UTRN: variants seen among roughly 807,000 people sequenced by gnomAD.
The protein encoded by UTRN is utrophin.
In UTRN, 283 loss-of-function variants were observed where a neutral mutation model predicts 463.9. The ratio of observed to expected loss-of-function variants is 0.61; its 90% CI spans 0.55 to 0.67. UTRN has a LOEUF of 0.67. Ranked by LOEUF, UTRN falls within the 30% of genes least tolerant of loss-of-function variation. The probability of loss-of-function intolerance (pLI) is 0.00; values close to 1 mark genes in which losing one functional copy is unlikely to be tolerated. For synonymous variants in UTRN, 1,442 were observed against 1,431.5 expected, an observed-to-expected ratio of 1.01 and a Z score of -0.17; for missense variants, 3,922 against 4,084.3, an observed-to-expected ratio of 0.96 and a Z score of 1.08.
intron 11 of UTRN, 55 bp downstream of exon 11, chr6:144,437,801 A>C (rs1786724083): frequency 6.5e-7 from 1 of 1,535,828 alleles, no homozygotes. Flanking sequence ...TGCACAGTTG[A>C]GCTCTAGTAG....
chr6:144,497,697 G>T (rs2128583013), intron 33 of UTRN, among the ~76,000 whole-genome samples: 1 of 151,714 alleles, frequency 6.6e-6, no homozygotes, highest in African/African-American at 2.4e-5. Flanking sequence ...AAAAAAAAAG[G>T]TAGAAGCATG....
chr6:144,338,457 C>A (rs2114623852), intron 2 of UTRN, among the ~76,000 whole-genome samples: 1 of 152,210 alleles, frequency 6.6e-6, no homozygotes, highest in South Asian at 2.1e-4. Flanking sequence ...CAGTTGATGC[C>A]TTTTTCATTT....
At chr6:144,662,007 CTATTTATT>C (rs36070256) in intron 51 of UTRN, among the ~76,000 whole-genome samples, 1 of 150,380 alleles carries the variant, frequency 6.6e-6, no homozygotes, top group African/African-American at 2.5e-5. Context: ...TTATTATTAT[CTATTTATT>C]TATTTATTTA....
chr6:144,657,562 T>C (rs1369613759), intron 51 of UTRN, among the ~76,000 whole-genome samples: 1 of 152,214 alleles, frequency 6.6e-6, no homozygotes, highest in African/African-American at 2.4e-5. Context: ...AGGATACCCT[T>C]TCTTTTCCCT....
intron 23 of UTRN, among the ~76,000 whole-genome samples, chr6:144,471,303 G>A (rs1790636584): frequency 6.6e-6 from 1 of 152,164 alleles, no homozygotes; most frequent in Admixed American, 6.5e-5. Flanking sequence ...ACTTACTCAA[G>A]TCAAAGCCAA....
chr6:144,571,149 C>T (rs1224523998), intron 50 of UTRN, among the ~76,000 whole-genome samples: 1 of 152,038 alleles, frequency 6.6e-6, no homozygotes, highest in Non-Finnish European at 1.5e-5. Context: ...GGATTGATTG[C>T]ATATGTGCAC....
intron 65 of UTRN, among the ~76,000 whole-genome samples, chr6:144,819,390 T>G (rs541428794): frequency 1.3e-5 from 2 of 152,302 alleles, no homozygotes; most frequent in Non-Finnish European, 2.9e-5. Flanking sequence ...GTTTGGTTTT[T>G]GTTTTTGTTT....
At chr6:144,307,551 C>T (rs545585862) in intron 2 of UTRN, among the ~76,000 whole-genome samples, 11 of 152,220 alleles carry the variant, frequency 7.2e-5, no homozygotes, top group South Asian at 2.1e-4. Flanking sequence ...CAGTCCAATA[C>T]GCTGGCACGA....
rs752563699 is a variant in UTRN, at chr6:144,533,250, A to C, written c.6223A>C (p.Arg2075=). The C allele has an allele frequency of 8.1e-6, 13 of 1,614,020 alleles. No homozygotes were observed. Among genetic ancestry groups the C allele is most frequent in the Admixed American group, 1.7e-5 (1 of 60,018 alleles). Residue 2075 remains arginine, a synonymous_variant, in exon 43 of 75, where the codon AGG becomes CGG. Coordinates refer to ENST00000367545, the MANE Select transcript of UTRN (RefSeq NM_007124.3). ...TGCAATTGTTGCAGAAGTGAAGGAT[A>C]GGCAGCCAAGGTGATTTAGCTATGA... is the stretch of plus-strand genomic sequence containing the variant. ...WDAIVAEVKD[R]QPRLKGESKQ...
chr6:144,827,566 C>A, intron 67 of UTRN, 45 bp from the exon 68 acceptor site: 1 of 1,609,176 alleles, frequency 6.2e-7, no homozygotes, highest in Non-Finnish European at 8.5e-7. Context: ...TAACACCTAT[C>A]AATATTTGGG....
At chr6:144,557,702 T>A (rs151171431) in intron 50 of UTRN, among the ~76,000 whole-genome samples, 2 of 152,154 alleles carry the variant, frequency 1.3e-5, no homozygotes, top group East Asian at 3.9e-4. Context: ...AGCGTGCTAT[T>A]TGGGTGGGGC....
chr6:144,751,369 A>G (rs1791374838), intron 55 of UTRN, among the ~76,000 whole-genome samples: 1 of 152,184 alleles, frequency 6.6e-6, no homozygotes, highest in Non-Finnish European at 1.5e-5. Context: ...ATTTATTTAT[A>G]TTTTTGGGTA....
At chr6:144,680,253 C>A (rs1782070123) in intron 52 of UTRN, among the ~76,000 whole-genome samples, 1 of 152,050 alleles carries the variant, frequency 6.6e-6, no homozygotes, top group African/African-American at 2.4e-5. Context: ...ATATCATAAA[C>A]AGATCATTCT....
chr6:144,470,986 G>A (rs541742827), intron 23 of UTRN, among the ~76,000 whole-genome samples: 1 of 149,274 alleles, frequency 6.7e-6, no homozygotes, highest in South Asian at 2.2e-4. Context: ...GGACAGTCCA[G>A]CCTTGGCTCG....
At chr6:144,533,480 C>T (rs908539766) in intron 43 of UTRN, among the ~76,000 whole-genome samples, 37 of 152,058 alleles carry the variant, frequency 2.4e-4, no homozygotes, top group African/African-American at 8.7e-4. Flanking sequence ...AAACCAAACA[C>T]CTTTATTCCT....
intron 32 of UTRN, among the ~76,000 whole-genome samples, chr6:144,492,106 C>T (rs1035716560): frequency 5.3e-5 from 8 of 152,188 alleles, no homozygotes; most frequent in African/African-American, 7.2e-5. Context: ...GTTTGGGCTT[C>T]GACTGAACCC....
Position 144,305,724 on chromosome 6 carries a change from G to A in UTRN, c.79+13817G>A, listed in dbSNP as rs532349746. Among the ~76,000 whole-genome samples the A allele has an allele frequency of 2.8e-4, 42 of 152,354 alleles. 1 individual carries two copies. Among genetic ancestry groups the A allele is most frequent in the African/African-American group, 1.0e-3 (42 of 41,590 alleles). ...TTCCCAACTTGAGGCAATGTGTTGA[G>A]CCTGGGGACCTTTGCCTTGACCAGT... is the stretch of plus-strand genomic sequence containing the variant. On this transcript the variant is annotated intron_variant, in intron 2 of 74. Transcript: ENST00000367545.
intron 65 of UTRN, among the ~76,000 whole-genome samples, chr6:144,804,466 A>G (rs1777970070): frequency 2.6e-5 from 4 of 152,222 alleles, no homozygotes; most frequent in Non-Finnish European, 5.9e-5. Context: ...ACACTAGTTA[A>G]AGTGGTAAGG....
At chr6:144,596,510 A>G (rs998468768) in intron 51 of UTRN, among the ~76,000 whole-genome samples, 8 of 152,162 alleles carry the variant, frequency 5.3e-5, no homozygotes, top group African/African-American at 1.9e-4. Context: ...AACTGCGATG[A>G]TATGGATATA....
Sources: allele counts gnomAD v4.1 joint callset (sites outside exome capture counted in the v4.1 genomes callset), GRCh38; gene constraint gnomAD v4.1.1; transcripts MANE v1.5; gene names NCBI Gene and HGNC (gene_info 2026-07-23, HGNC 2026-07-21).